Variants in SAMSN1 observed in about 807,000 individuals in gnomAD.
The protein encoded by SAMSN1 is SAM domain-containing protein SAMSN-1.
In SAMSN1, 31 loss-of-function variants were observed where a neutral mutation model predicts 42.0. The ratio of observed to expected loss-of-function variants is 0.74; its 90% CI spans 0.55 to 1.00. The LOEUF is 1.00. SAMSN1 is among the 50% of genes least tolerant of loss of function. The pLI is 0.00. For missense variants in SAMSN1, 464 were observed against 439.4 expected (o/e 1.06, Z -0.50); for synonymous variants, 178 against 151.9 (o/e 1.17, Z -1.26).
intron 5 of SAMSN1, among the ~76,000 whole-genome samples, chr21:14,604,084 G>T (rs1045988995): frequency 6.6e-6 from 1 of 152,082 alleles, no homozygotes; most frequent in Non-Finnish European, 1.5e-5. Context: ...ACTAAATTAG[G>T]CACACTTAAA....
chr21:14,548,688 A>AT (rs1980506450), upstream of SAMSN1, among the ~76,000 whole-genome samples: 1 of 152,162 alleles, frequency 6.6e-6, no homozygotes, highest in Admixed American at 6.6e-5. Flanking sequence ...GGTCCCATTC[A>AT]TTATCTAACT....
At chr21:14,560,762 G>T (rs992634600) in intron 2 of SAMSN1, among the ~76,000 whole-genome samples, 1 of 152,118 alleles carries the variant, frequency 6.6e-6, no homozygotes, top group Non-Finnish European at 1.5e-5. Flanking sequence ...CTTCACAATG[G>T]TTCTTCAGTG....
chr21:14,490,791 T>C (rs1158871743), intron 7 of SAMSN1, among the ~76,000 whole-genome samples: 2 of 152,132 alleles, frequency 1.3e-5, no homozygotes, highest in Non-Finnish European at 2.9e-5. Flanking sequence ...CTTGCATATC[T>C]CTTTTTGGAG....
intron 1 of SAMSN1, among the ~76,000 whole-genome samples, chr21:14,534,069 G>T (rs1979438550): frequency 6.6e-6 from 1 of 152,162 alleles, no homozygotes; most frequent in African/African-American, 2.4e-5. Context: ...TACAATGTGT[G>T]ATTATTTTGA....
At chr21:14,609,601 T>A (rs1480151219) in intron 4 of SAMSN1, 2 of 717,500 alleles carry the variant, frequency 2.8e-6, no homozygotes, top group Non-Finnish European at 5.2e-6. Context: ...TTAGCAGAAT[T>A]CATAGTAACA....
At chr21:14,553,023 CT>C (rs1980648767) in intron 2 of SAMSN1, among the ~76,000 whole-genome samples, 1 of 151,916 alleles carries the variant, frequency 6.6e-6, no homozygotes, top group South Asian at 2.1e-4. Flanking sequence ...TATTTCAACT[CT>C]TTTTCTGATC....
intron 1 of SAMSN1, among the ~76,000 whole-genome samples, chr21:14,649,556 G>T (rs1335372183): frequency 6.6e-6 from 1 of 152,108 alleles, no homozygotes; most frequent in Non-Finnish European, 1.5e-5. Flanking sequence ...GATCACCTGA[G>T]GTCACGAGTT....
chr21:14,579,662 TTTG>T (rs1166699596), intron 2 of SAMSN1, among the ~76,000 whole-genome samples: 3 of 131,656 alleles, frequency 2.3e-5, no homozygotes, highest in Non-Finnish European at 3.2e-5. Context: ...TTTTTTTTTT[TTTG>T]GAGGCAGGGT....
chr21:14,573,478 C>T (rs1568814470), intron 2 of SAMSN1, among the ~76,000 whole-genome samples: 1 of 151,984 alleles, frequency 6.6e-6, no homozygotes, highest in South Asian at 2.1e-4. Flanking sequence ...ATCCAGAGAC[C>T]ATGAGGGAGA....
At chr21:14,520,007 G>A (rs1978348179) in intron 2 of SAMSN1, among the ~76,000 whole-genome samples, 1 of 152,126 alleles carries the variant, frequency 6.6e-6, no homozygotes, top group Non-Finnish European at 1.5e-5. Flanking sequence ...ATTTGATGAA[G>A]CAAGCATATT....
chr21:14,501,013 T>C (rs1987131007), intron 5 of SAMSN1, among the ~76,000 whole-genome samples: 2 of 151,966 alleles, frequency 1.3e-5, no homozygotes, highest in East Asian at 3.9e-4. Flanking sequence ...ATCTCTACAA[T>C]TTTTTTCTTT....
At chr21:14,574,264 T>C (rs1238632544) in intron 2 of SAMSN1, among the ~76,000 whole-genome samples, 1 of 152,222 alleles carries the variant, frequency 6.6e-6, no homozygotes, top group Non-Finnish European at 1.5e-5. Flanking sequence ...CCAACTGTCT[T>C]GTGAAAGCCA....
At chr21:14,492,110 G>T (rs550323899) in intron 7 of SAMSN1, among the ~76,000 whole-genome samples, 2 of 152,102 alleles carry the variant, frequency 1.3e-5, no homozygotes, top group South Asian at 4.1e-4. Flanking sequence ...AAAACTACTA[G>T]ATTTTTAGTT....
chr21:14,606,187 A>G (rs1982567355), intron 5 of SAMSN1, among the ~76,000 whole-genome samples: 1 of 152,022 alleles, frequency 6.6e-6, no homozygotes, highest in African/African-American at 2.4e-5. Context: ...AGATGAAGTT[A>G]ATGTTTCTCT....
At position 14,524,197 on chromosome 21, in the gene SAMSN1, T is replaced by C. The variant is rs567128840; in HGVS notation, c.58-2976A>G. ...TGACTTCTGTTCTTGTAAAGTTTTA[T>C]GATAACAAGGTGAATTATATGGAAA... On this transcript the variant is annotated intron_variant, in intron 1 of 7. Coordinates refer to ENST00000400566, the MANE Select transcript of SAMSN1 (RefSeq NM_022136.5). 2.0e-5 allele frequency among the ~76,000 whole-genome samples: 3 copies of C among 152,310 alleles called. No individual in the cohort carries two copies. The South Asian group carries it at 6.2e-4, about 32-fold the overall frequency.
chr21:14,613,367 C>T (rs1982759237), intron 3 of SAMSN1, among the ~76,000 whole-genome samples: 1 of 152,096 alleles, frequency 6.6e-6, no homozygotes, highest in South Asian at 2.1e-4. Context: ...CAACTTTATG[C>T]CAGTGGATCC....
At chr21:14,503,630 C>G (rs1160184618) in intron 5 of SAMSN1, among the ~76,000 whole-genome samples, 3 of 152,016 alleles carry the variant, frequency 2.0e-5, no homozygotes, top group Non-Finnish European at 2.9e-5. Context: ...GGGAATATCA[C>G]CAGGAGAAAG....
chr21:14,522,579 A>C (rs1978564229), intron 1 of SAMSN1, among the ~76,000 whole-genome samples: 1 of 152,152 alleles, frequency 6.6e-6, no homozygotes, highest in South Asian at 2.1e-4. Flanking sequence ...ACCTTAAGCA[A>C]AACCAGGTGT....
At chr21:14,583,189 T>A (rs2123250503) in intron 1 of SAMSN1, 1 of 152,966 alleles carries the variant, frequency 6.5e-6, no homozygotes, top group East Asian at 1.9e-4. Context: ...TCACCCAGAG[T>A]CAATTGCTCT....
Sources: gnomAD v4.1 joint callset for allele counts (sites outside exome capture counted in the v4.1 genomes callset) on GRCh38, gnomAD v4.1.1 for gene constraint, MANE v1.5 for transcripts, NCBI Gene and HGNC (gene_info 2026-07-23, HGNC 2026-07-21) for gene names.